Variants in F8 observed in about 807,000 individuals in gnomAD.
F8 encodes coagulation factor VIII.
Under a neutral mutation model 140.6 loss-of-function variants are expected in F8, and 12 were observed. The observed-to-expected ratio is 0.09, with a 90% CI of 0.05 to 0.14. The LOEUF (loss-of-function observed/expected upper bound fraction) is 0.14. Among genes scored for constraint, F8 ranks in the 10% least tolerant of loss-of-function variants. F8 has a pLI of 1.00. For synonymous variants in F8, 585 were observed against 614.6 expected (o/e 0.95, Z 0.71); for missense variants, 1,354 against 1,720.7 (o/e 0.79, Z 3.77).
intron 13 of F8, among the ~76,000 whole-genome samples, chrX:154,938,285 C>A (rs1159736408): frequency 9.0e-6 from 1 of 111,529 alleles, no homozygotes; most frequent in Non-Finnish European, 1.9e-5. Context: ...AGAAACAAAG[C>A]TACAGTGATA....
rs1365205667 is a variant in F8, at chrX:154,862,556, C to A, written c.6574+527G>T. Among the ~76,000 whole-genome samples the A allele has an allele frequency of 5.4e-5, 6 of 110,953 alleles. No individual in the cohort carries two copies. In the East Asian group the frequency reaches 8.5e-4, roughly 16 times the overall value. On this transcript the variant is annotated intron_variant, in intron 23 of 25. Transcript: ENST00000360256. ...TAACCTTCTAACCCACACCCCCCTC[C>A]CAACCTCTCCCCTCCTGAGTGTCCA...
At chrX:154,951,942 A>T (rs2073339808) in intron 12 of F8, among the ~76,000 whole-genome samples, 1 of 112,130 alleles carries the variant, frequency 8.9e-6, no homozygotes, top group African/African-American at 3.2e-5. Flanking sequence ...TGCTTATGTC[A>T]CTATATCTCT....
chrX:154,875,736 AGTGTGTGTGTGTGT>A (rs35911984), intron 22 of F8, among the ~76,000 whole-genome samples: 7 of 93,423 alleles, frequency 7.5e-5, no homozygotes, highest in East Asian at 3.4e-4. Context: ...CTAAGAATGT[AGTGTGTGTGTGTGT>A]GTGTGTGTGT....
chrX:155,018,722 C>T (rs1161929937), intron 1 of F8, among the ~76,000 whole-genome samples: 1 of 111,784 alleles, frequency 8.9e-6, no homozygotes, highest in Non-Finnish European at 1.9e-5. Context: ...AAGTTACTTC[C>T]TAGAAAGGTA....
chrX:155,001,240 C>T (rs937922504), intron 1 of F8, among the ~76,000 whole-genome samples: 12 of 109,707 alleles, frequency 1.1e-4, no homozygotes, highest in African/African-American at 3.7e-4. Flanking sequence ...ATTGGTAAAC[C>T]AGTGACCCAT....
intron 6 of F8, among the ~76,000 whole-genome samples, chrX:154,982,904 T>C (rs1300426961): frequency 8.9e-6 from 1 of 112,611 alleles, no homozygotes. Flanking sequence ...GCTTACTTTA[T>C]TGAAAATATA....
chrX:154,837,379 A>C lies in F8; in HGVS notation c.*218T>G. On this transcript the variant is annotated 3_prime_UTR_variant, in exon 26 of 26. Transcript: ENST00000360256. ...TATTGGAAGGAAGGAGTAATCTGGG[A>C]GCAGCTGCAGAAAATAGGTAAGAGT... The C allele has an allele frequency of 2.4e-6, 1 of 420,066 alleles. No individual in the cohort carries two copies. The highest frequency in any genetic ancestry group is 2.5e-5 in the African/African-American group (1 of 40,722). 34.6% of individuals were successfully genotyped at this position (420,066 alleles called of 1,213,427 possible). A position where few individuals can be genotyped will look rare whatever the true frequency, so the allele number is the denominator to read the frequency against.
intron 1 of F8, among the ~76,000 whole-genome samples, chrX:155,021,215 C>T (rs1044327758): frequency 2.7e-5 from 3 of 110,069 alleles, no homozygotes; most frequent in Admixed American, 1.9e-4. Context: ...TCCAAGAAAA[C>T]CTTTGTGTGT....
intron 25 of F8, among the ~76,000 whole-genome samples, chrX:154,848,516 C>T (rs2072588892): frequency 8.9e-6 from 1 of 112,571 alleles, no homozygotes; most frequent in Non-Finnish European, 1.9e-5. Flanking sequence ...CTTGCAGCCA[C>T]CTTGCAGTTT....
chrX:154,859,401 C>T (rs1468596114), intron 25 of F8, among the ~76,000 whole-genome samples: 1 of 106,798 alleles, frequency 9.4e-6, no homozygotes, highest in East Asian at 2.9e-4. Flanking sequence ...CTCCCGGGTT[C>T]ATGCCATTCT....
chrX:154,967,754 C>G (rs956001378), intron 7 of F8, among the ~76,000 whole-genome samples: 17 of 112,208 alleles, frequency 1.5e-4, no homozygotes, highest in Non-Finnish European at 3.0e-4. Flanking sequence ...ACCTATTCCT[C>G]TGTGCCTGCA....
At chrX:154,996,213 C>G (rs1164186937) in intron 3 of F8, among the ~76,000 whole-genome samples, 2 of 111,686 alleles carry the variant, frequency 1.8e-5, no homozygotes, top group Non-Finnish European at 3.8e-5. Context: ...GGCTTCCTGT[C>G]TCTGATTATA....
intron 12 of F8, 61 bp from the exon 13 acceptor site, chrX:154,947,968 G>T: frequency 1.2e-6 from 1 of 854,633 alleles, no homozygotes; most frequent in Non-Finnish European, 1.7e-6. Context: ...TTTGGATTGT[G>T]ATTGTCATGA....
At chrX:155,012,018 A>G (rs1037256365) in intron 1 of F8, among the ~76,000 whole-genome samples, 1 of 112,214 alleles carries the variant, frequency 8.9e-6, no homozygotes, top group African/African-American at 3.2e-5. Context: ...TGACTGTTTA[A>G]TGATTACAGG....
At chrX:154,927,069 G>A (rs782103275) in intron 14 of F8, among the ~76,000 whole-genome samples, 6 of 111,635 alleles carry the variant, frequency 5.4e-5, no homozygotes, top group East Asian at 2.8e-4. Flanking sequence ...CTGTATCAAC[G>A]ATGGAGTAAT....
At position 154,861,861 on chromosome X, in the gene F8, T is replaced by C. The variant is rs782394042; in HGVS notation, c.6580A>G (p.Ser2194Gly). ...ELMGCDLNSC[S>G]MPLGMESKAI... is the part of the protein sequence containing the mutation. ...TTACTCTCCATTCCCAATGGCATGC[T>C]GCAACCTCAAAGAAAAGAAAAAAGA... is the stretch of plus-strand genomic sequence containing the variant. Residue 2194 changes from serine to glycine, a missense_variant, in exon 24 of 26, where the codon AGC becomes GGC. Transcript: ENST00000360256. 8.3e-7 allele frequency: 1 copy of C among 1,211,455 alleles called. No homozygotes were observed.
chrX:154,904,544 A>G lies in F8; in HGVS notation c.5587-20T>C. 1.7e-6 allele frequency: 2 copies of G among 1,152,704 alleles called. No individual in the cohort carries two copies. Among genetic ancestry groups the G allele is most frequent in the Non-Finnish European group, 2.4e-6 (2 of 841,829 alleles). 95.0% of individuals were successfully genotyped at this position (1,152,704 alleles called of 1,213,427 possible). ...TTTTTCCTAGGGAGGGAAGACATCA[A>G]TCCTATGAGTATAAGCTCTCTCACC... On this transcript the variant is annotated intron_variant, in intron 16 of 25. Coordinates refer to ENST00000360256, the MANE Select transcript of F8 (RefSeq NM_000132.4).
intron 22 of F8, among the ~76,000 whole-genome samples, chrX:154,868,679 C>G (rs782244438): frequency 1.2e-4 from 13 of 111,642 alleles, no homozygotes; most frequent in African/African-American, 4.2e-4. Flanking sequence ...ATGACAGGAT[C>G]AAATTCACAC....
In F8 at chrX:154,996,982, C is replaced by A; in HGVS notation, c.379G>T (p.Ala127Ser). 1 of 1,211,338 alleles carries A rather than the reference C, an allele frequency of 8.3e-7. No individual in the cohort carries two copies. The highest frequency in any genetic ancestry group is 1.1e-6 in the Non-Finnish European group (1 of 895,214). Residue 127 changes from alanine (A) to serine (S), a missense_variant, in exon 3 of 26, where the codon GCT becomes TCT. Coordinates refer to ENST00000360256, the MANE Select transcript of F8 (RefSeq NM_000132.4). ...AGGGTATTTTACTCACCCTCAGAAG[C>A]TTTCCAGTAGGATACACCAACAGCA... is the stretch of plus-strand genomic sequence containing the variant. ...LHAVGVSYWK[A>S]SEGAEYDDQT... is the part of the protein sequence containing the mutation.
Sources: allele counts gnomAD v4.1 joint callset (sites outside exome capture counted in the v4.1 genomes callset), GRCh38; gene constraint gnomAD v4.1.1; transcripts MANE v1.5; gene names NCBI Gene and HGNC (gene_info 2026-07-23, HGNC 2026-07-21).